Variants in TBL1XR1 observed in about 807,000 individuals in gnomAD.
The protein encoded by TBL1XR1 is TBL1X/Y related 1, also known as F-box-like/WD repeat-containing protein TBL1XR1.
TBL1XR1 carries 5 observed loss-of-function variants against 66.9 expected under a neutral mutation model. The ratio of observed to expected loss-of-function variants is 0.07; its 90% confidence interval spans 0.04 to 0.16. TBL1XR1 has a LOEUF of 0.16. Among genes scored for constraint, TBL1XR1 ranks in the 10% least tolerant of loss-of-function variants. The probability of loss-of-function intolerance (pLI) is 1.00; values close to 1 mark genes in which losing one functional copy is unlikely to be tolerated. For synonymous variants in TBL1XR1, 210 were observed against 206.0 expected (o/e 1.02, Z -0.17); for missense variants, 238 against 623.2 (o/e 0.38, Z 6.58).
rs566453493 is a variant in TBL1XR1, at chr3:177,132,581, T to A, written c.-121-34040A>T. On this transcript the variant is annotated intron_variant, in intron 1 of 15. Transcript: ENST00000457928. ...GGTTAACAGATTGTAATAACAGTGG[T>A]TAAAAAAATAAAACCGAATGATACG... 2.6e-5 allele frequency among the ~76,000 whole-genome samples: 4 copies of A among 152,094 alleles called. No homozygotes were observed. The East Asian group carries it at 7.7e-4, about 29-fold the overall frequency.
chr3:177,099,280 T>G (rs1723892218), intron 1 of TBL1XR1: 1 of 152,144 alleles, frequency 6.6e-6, no homozygotes, highest in South Asian at 2.1e-4. Context: ...GGCAAGAGAA[T>G]CCCTTGAACC....
At chr3:177,165,760 C>T (rs938676848) in intron 1 of TBL1XR1, among the ~76,000 whole-genome samples, 11 of 152,052 alleles carry the variant, frequency 7.2e-5, no homozygotes, top group African/African-American at 2.2e-4. Context: ...TGCAAAAAAC[C>T]AGTCTAGACT....
chr3:177,028,089 A>G (rs1203938060), intron 14 of TBL1XR1, among the ~76,000 whole-genome samples: 2 of 152,202 alleles, frequency 1.3e-5, no homozygotes, highest in Non-Finnish European at 2.9e-5. Flanking sequence ...GAGCTAAGAC[A>G]TTTAAAAAGG....
At chr3:177,119,748 G>C (rs561617054) in intron 1 of TBL1XR1, among the ~76,000 whole-genome samples, 2 of 152,168 alleles carry the variant, frequency 1.3e-5, no homozygotes, top group African/African-American at 4.8e-5. Flanking sequence ...TGCGTGGCTA[G>C]AAGCTCCAGA....
chr3:177,100,318 A>G (rs1364193970), intron 1 of TBL1XR1, among the ~76,000 whole-genome samples: 2 of 152,240 alleles, frequency 1.3e-5, no homozygotes, highest in East Asian at 3.8e-4. Flanking sequence ...TTTGTTCATA[A>G]CATTCTACAT....
intron 10 of TBL1XR1, among the ~76,000 whole-genome samples, chr3:177,041,721 T>C (rs1480525221): frequency 6.6e-6 from 1 of 152,214 alleles, no homozygotes. Context: ...TGCTAGGATG[T>C]GCAACCCAGG....
chr3:177,058,409 T>TA (rs1718081013), intron 3 of TBL1XR1, among the ~76,000 whole-genome samples: 1 of 152,220 alleles, frequency 6.6e-6, no homozygotes, highest in Non-Finnish European at 1.5e-5. Flanking sequence ...TTTCGTGCCC[T>TA]AATTTTGCCC....
At chr3:177,166,762 A>G (rs1251574988) in intron 1 of TBL1XR1, among the ~76,000 whole-genome samples, 1 of 152,154 alleles carries the variant, frequency 6.6e-6, no homozygotes, top group East Asian at 1.9e-4. Flanking sequence ...TACTACATAC[A>G]CCATTAGGGG....
chr3:177,057,542 A>C (rs1332019449), intron 3 of TBL1XR1, among the ~76,000 whole-genome samples: 1 of 152,238 alleles, frequency 6.6e-6, no homozygotes, highest in Non-Finnish European at 1.5e-5. Flanking sequence ...CAGAAAAAGC[A>C]TATGACTTAA....
chr3:177,043,687 A>G (rs1715921966), intron 10 of TBL1XR1, among the ~76,000 whole-genome samples: 1 of 152,052 alleles, frequency 6.6e-6, no homozygotes, highest in African/African-American at 2.4e-5. Context: ...GGCCATTTAC[A>G]CTTATTTTGC....
chr3:177,197,917 T>C (rs1257511672), upstream of TBL1XR1, among the ~76,000 whole-genome samples: 2 of 135,964 alleles, frequency 1.5e-5, no homozygotes, highest in African/African-American at 5.5e-5. Context: ...CCGAGACGGG[T>C]GGGGGCGGGG....
intron 1 of TBL1XR1, among the ~76,000 whole-genome samples, chr3:177,140,348 T>G (rs1729495641): frequency 6.6e-6 from 1 of 152,018 alleles, no homozygotes; most frequent in South Asian, 2.1e-4. Context: ...ACCCAAAGCT[T>G]CCCCAAATGC....
At chr3:177,119,824 T>C (rs916387346) in intron 1 of TBL1XR1, among the ~76,000 whole-genome samples, 1 of 152,232 alleles carries the variant, frequency 6.6e-6, no homozygotes, top group East Asian at 1.9e-4. Flanking sequence ...ATTAGTGCTC[T>C]ATACCAACCT....
chr3:177,138,518 G>A lies in TBL1XR1; in HGVS notation c.-121-39977C>T, dbSNP rs569017193. Among the ~76,000 whole-genome samples the A allele has an allele frequency of 8.7e-4, 133 of 152,092 alleles. 1 individual carries two copies. Among genetic ancestry groups the A allele is most frequent in the African/African-American group, 3.0e-3 (125 of 41,502 alleles). ...GAGGTGAGAGGATCACTTGAGCCTC[G>A]AGGTTGAGGCTGGAGTGAGCCATGA... On this transcript the variant is annotated intron_variant, in intron 1 of 15. Transcript: ENST00000457928.
chr3:177,173,356 G>A (rs1337577443), intron 1 of TBL1XR1, among the ~76,000 whole-genome samples: 1 of 152,194 alleles, frequency 6.6e-6, no homozygotes, highest in Non-Finnish European at 1.5e-5. Flanking sequence ...AGGTTGAGAA[G>A]CGAAAAACAG....
chr3:177,100,616 G>A (rs774983854), intron 1 of TBL1XR1, among the ~76,000 whole-genome samples: 17 of 151,992 alleles, frequency 1.1e-4, no homozygotes, highest in Admixed American at 5.9e-4. Context: ...GTAGAGACGG[G>A]GTTTCACTAT....
chr3:177,195,934 A>C (rs1736795705), intron 1 of TBL1XR1, among the ~76,000 whole-genome samples: 1 of 152,222 alleles, frequency 6.6e-6, no homozygotes, highest in Non-Finnish European at 1.5e-5. Flanking sequence ...AACTCCAGAC[A>C]CTGAGAACAC....
At chr3:177,073,762 G>A (rs1720338112) in intron 2 of TBL1XR1, among the ~76,000 whole-genome samples, 1 of 152,198 alleles carries the variant, frequency 6.6e-6, no homozygotes, top group African/African-American at 2.4e-5. Context: ...TTAGTAGAAG[G>A]TGTAGCGGAG....
intron 1 of TBL1XR1, among the ~76,000 whole-genome samples, chr3:177,139,839 T>TA: frequency 6.6e-6 from 1 of 152,034 alleles, no homozygotes; most frequent in South Asian, 2.1e-4. Flanking sequence ...AGAGTAACAT[T>TA]AAAAACAAAT....
Sources: allele counts gnomAD v4.1 joint callset (sites outside exome capture counted in the v4.1 genomes callset), GRCh38; gene constraint gnomAD v4.1.1; transcripts MANE v1.5; gene names NCBI Gene and HGNC (gene_info 2026-07-23, HGNC 2026-07-21).